PHLPP2: variants seen among roughly 807,000 people sequenced by gnomAD.
PHLPP2 encodes PH domain and leucine rich repeat protein phosphatase 2.
Under a neutral mutation model 124.9 loss-of-function variants are expected in PHLPP2, and 66 were observed. That is an observed-to-expected ratio of 0.53 (90% CI 0.43 to 0.65). PHLPP2 has a LOEUF of 0.65. Ranked by LOEUF, PHLPP2 falls within the 30% of genes least tolerant of loss-of-function variation. PHLPP2 has a pLI of 0.00. For missense variants in PHLPP2, 1,685 were observed against 1,600.4 expected (o/e 1.05, Z -0.90); for synonymous variants, 681 against 624.7 (o/e 1.09, Z -1.34).
intron 3 of PHLPP2, among the ~76,000 whole-genome samples, chr16:71,697,215 T>TAAATAATAA (rs1555547739): frequency 9.0e-4 from 74 of 82,658 alleles, no homozygotes; most frequent in African/African-American, 2.6e-3. Flanking sequence ...AATAAATAAA[T>TAAATAATAA]AAAAAGAAAC....
intron 1 of PHLPP2, among the ~76,000 whole-genome samples, chr16:71,721,623 G>T (rs1294813113): frequency 1.3e-5 from 2 of 150,904 alleles, no homozygotes; most frequent in Admixed American, 1.3e-4. Flanking sequence ...AATTTTTTTT[G>T]GCATTAATTG....
intron 2 of PHLPP2, among the ~76,000 whole-genome samples, chr16:71,703,965 A>T (rs146656030): frequency 6.6e-6 from 1 of 152,304 alleles, no homozygotes; most frequent in East Asian, 1.9e-4. Context: ...AAGCACAGGA[A>T]AGTCCGTATG....
intron 13 of PHLPP2, among the ~76,000 whole-genome samples, chr16:71,659,189 C>CT (rs1210436497): frequency 6.6e-6 from 1 of 151,336 alleles, no homozygotes; most frequent in Non-Finnish European, 1.5e-5. Flanking sequence ...TGTCAGCAGT[C>CT]TTTAATACCC....
intron 9 of PHLPP2, 142 bp from the exon 10 acceptor site, chr16:71,672,464 T>C: frequency 1.5e-6 from 1 of 654,110 alleles, no homozygotes; most frequent in Non-Finnish European, 2.7e-6. Flanking sequence ...CAAAAACTAC[T>C]GAAAACTCAC....
intron 15 of PHLPP2, 27 bp downstream of exon 15, chr16:71,658,206 G>C (rs755135466): frequency 2.5e-6 from 4 of 1,606,476 alleles, no homozygotes; most frequent in Admixed American, 3.4e-5. Flanking sequence ...AGAGCACATA[G>C]AGATTCCATT....
chr16:71,661,627 T>C (rs1485764947), intron 13 of PHLPP2, among the ~76,000 whole-genome samples: 2 of 152,046 alleles, frequency 1.3e-5, no homozygotes, highest in Non-Finnish European at 2.9e-5. Flanking sequence ...TCTGCATTCA[T>C]TTTAGAAGTC....
intron 3 of PHLPP2, among the ~76,000 whole-genome samples, chr16:71,696,175 C>T (rs935224444): frequency 5.9e-5 from 9 of 152,120 alleles, no homozygotes; most frequent in African/African-American, 2.2e-4. Context: ...TATATTTTAA[C>T]AAAGAAGCTT....
intron 13 of PHLPP2, 105 bp downstream of exon 13, chr16:71,663,794 C>A: frequency 1.2e-6 from 1 of 838,436 alleles, no homozygotes; most frequent in South Asian, 1.6e-5. Context: ...ATCTGTAAGT[C>A]AGTGAACGTA....
chr16:71,686,034 A>C (rs2045051925), intron 4 of PHLPP2, among the ~76,000 whole-genome samples: 1 of 152,118 alleles, frequency 6.6e-6, no homozygotes, highest in African/African-American at 2.4e-5. Flanking sequence ...TGAATCCGGG[A>C]GGTGGAGGCT....
intron 3 of PHLPP2, among the ~76,000 whole-genome samples, chr16:71,695,058 T>TA (rs1040374749): frequency 4.6e-5 from 7 of 152,276 alleles, no homozygotes; most frequent in African/African-American, 1.4e-4. Flanking sequence ...GTGCTGGGAT[T>TA]ACAGGCATGA....
At position 71,645,005 on chromosome 16, in the gene PHLPP2, T is replaced by C. The variant is rs2044643883; in HGVS notation, c.*3885A>G. 1 of 298,344 alleles carries C rather than the reference T, an allele frequency of 3.4e-6. No individual in the cohort carries two copies. Among genetic ancestry groups the C allele is most frequent in the Non-Finnish European group, 6.5e-6 (1 of 152,884 alleles). The allele number at this position is 298,344 out of a possible 1,614,324, so 18.5% of individuals were successfully genotyped here. On this transcript the variant is annotated 3_prime_UTR_variant, in exon 19 of 19. Transcript: ENST00000568954. Reference sequence around the variant, plus strand: ...TTATTTTTACAAACAATAGATTTGCTGCAACATGCTCTGGCTCATATTATT... The same window carrying C: ...TTATTTTTACAAACAATAGATTTGCCGCAACATGCTCTGGCTCATATTATT...
intron 3 of PHLPP2, chr16:71,698,775 T>G (rs2045199397): frequency 3.9e-6 from 1 of 256,510 alleles, no homozygotes; most frequent in Non-Finnish European, 7.8e-6. Context: ...AAATGTTATC[T>G]CCACAGCTTT....
At position 71,649,703 on chromosome 16, in the gene PHLPP2, C is replaced by T; in HGVS notation, c.3159G>A (p.Val1053=). Residue 1053 remains valine, a synonymous_variant, in exon 19 of 19, where the codon GTG becomes GTA. Coordinates refer to ENST00000568954, the MANE Select transcript of PHLPP2 (RefSeq NM_015020.3). ...EMNGLTLPGP[V]GFASTTTIKD... ...TGATAGTGGTGGTTGAAGCAAATCC[C>T]ACAGGACCTGGGAGGGTGAGCCCAT... The T allele has an allele frequency of 1.9e-6, 3 of 1,614,156 alleles. No individual in the cohort carries two copies. Among genetic ancestry groups the T allele is most frequent in the Non-Finnish European group, 2.5e-6 (3 of 1,180,024 alleles).
chr16:71,720,851 A>C (rs1266535662), intron 1 of PHLPP2, among the ~76,000 whole-genome samples: 1 of 148,476 alleles, frequency 6.7e-6, no homozygotes, highest in African/African-American at 2.5e-5. Flanking sequence ...GCGAAACTCC[A>C]CCTCGGAAAA....
At position 71,679,483 on chromosome 16, in the gene PHLPP2, G is replaced by A; in HGVS notation, c.943C>T (p.Pro315Ser). Residue 315 changes from proline to serine, a missense_variant, in exon 7 of 19, where the codon CCT becomes TCT. By Grantham distance (74) the Pro-to-Ser change is moderately conservative. Coordinates refer to ENST00000568954, the MANE Select transcript of PHLPP2 (RefSeq NM_015020.3). The stretch of plus-strand genomic sequence containing the variant: ...GTAGAGATCTCGCATAACAATATAG[G>A]AAACAACCCAAGTTTATTATGGGAC... ...NLSHNKLGLFPILLCEISTLT... is the reference protein window; with the variant it reads ...NLSHNKLGLFSILLCEISTLT... 1 of 1,613,742 alleles carries A rather than the reference G, an allele frequency of 6.2e-7. No individual in the cohort carries two copies. The highest frequency in any genetic ancestry group is 1.1e-5 in the South Asian group (1 of 91,068).
chr16:71,681,711 G>A, intron 6 of PHLPP2, 40 bp downstream of exon 6: 2 of 1,515,906 alleles, frequency 1.3e-6, no homozygotes, highest in Middle Eastern at 1.7e-4. Context: ...ATTATGAGTT[G>A]GTTTTAACAG....
In PHLPP2 at chr16:71,667,273, A is replaced by G; in HGVS notation, c.1689T>C (p.Leu563=). The G allele has an allele frequency of 6.2e-7, 1 of 1,613,734 alleles. No individual in the cohort carries two copies. The change falls in exon 12 of 19, where the codon CTT becomes CTC. Residue 563 remains leucine, a synonymous_variant. Coordinates refer to ENST00000568954, the MANE Select transcript of PHLPP2 (RefSeq NM_015020.3). ...GGGGGATGTGCTCTACCAGTGTTGG[A>G]AGGTTTTGCACATGATTGTGTCCCA... ...LMLGHNHVQN[L]PTLVEHIPLE...
intron 3 of PHLPP2, among the ~76,000 whole-genome samples, chr16:71,701,051 A>T (rs1437395761): frequency 6.6e-6 from 1 of 152,082 alleles, no homozygotes; most frequent in African/African-American, 2.4e-5. Flanking sequence ...TGAGGAACTG[A>T]GGCCATGTGA....
chr16:71,686,726 A>C (rs771370821), intron 4 of PHLPP2, among the ~76,000 whole-genome samples: 15 of 150,966 alleles, frequency 9.9e-5, no homozygotes, highest in Non-Finnish European at 1.8e-4. Flanking sequence ...ACTCAGAATT[A>C]TGCTGTTAAG....
Sources: allele counts gnomAD v4.1 joint callset (sites outside exome capture counted in the v4.1 genomes callset), GRCh38; gene constraint gnomAD v4.1.1; transcripts MANE v1.5; gene names NCBI Gene and HGNC (gene_info 2026-07-23, HGNC 2026-07-21).